Variants in BEND7 observed in about 807,000 individuals in gnomAD.
The protein encoded by BEND7 is BEN domain containing 7.
A neutral mutation model predicts 50.9 loss-of-function variants in BEND7; 28 were observed. The ratio of observed to expected loss-of-function variants is 0.55; its 90% CI spans 0.41 to 0.75. The LOEUF (loss-of-function observed/expected upper bound fraction) is 0.75. Ranked by LOEUF, BEND7 falls within the 30% of genes least tolerant of loss-of-function variation. BEND7 has a pLI of 0.00. For synonymous variants in BEND7, 170 were observed against 183.9 expected, an observed-to-expected ratio of 0.92 and a Z score of 0.61; for missense variants, 477 against 491.3, an observed-to-expected ratio of 0.97 and a Z score of 0.28.
chr10:13,462,334 G>C (rs1359186432), intron 6 of BEND7, among the ~76,000 whole-genome samples: 3 of 152,190 alleles, frequency 2.0e-5, no homozygotes, highest in Non-Finnish European at 4.4e-5. Flanking sequence ...TTTACATGGT[G>C]GCAAGCAAGA....
chr10:13,496,721 T>C (rs767609116), intron 4 of BEND7, 45 bp downstream of exon 4: 16 of 1,589,248 alleles, frequency 1.0e-5, no homozygotes, highest in Middle Eastern at 1.7e-4. Context: ...ATGTCAGATA[T>C]GCATTAAAAA....
chr10:13,469,156 AG>A (rs1459380064), intron 6 of BEND7, among the ~76,000 whole-genome samples: 3 of 152,176 alleles, frequency 2.0e-5, no homozygotes, highest in African/African-American at 7.2e-5. Flanking sequence ...CTGTCATCCA[AG>A]GGGTAGGGCT....
chr10:13,479,245 G>C (rs940222023), intron 6 of BEND7, among the ~76,000 whole-genome samples: 2 of 152,072 alleles, frequency 1.3e-5, no homozygotes, highest in Non-Finnish European at 2.9e-5. Flanking sequence ...CTGACCTGCA[G>C]TGTTCCACCC....
rs2079569882 is a variant in BEND7 at position 13,528,599 on chromosome 10, AGCGGCAGCGG to A, written c.-76_-67del. On this transcript the variant is annotated 5_prime_UTR_variant, in exon 1 of 9. Coordinates refer to ENST00000466271, the MANE Select transcript of BEND7 (RefSeq NM_001369863.1). ...CAGCGGCGGCAGCGGCAGCGGCGGCAGCGGCAGCGGCGGCGCGGGCTCGTGTCACCGCGGC... is the reference window on the plus strand; with the variant it reads ...CAGCGGCGGCAGCGGCAGCGGCGGCACGGCGCGGGCTCGTGTCACCGCGGC... 5.7e-6 allele frequency: 4 copies of A among 706,910 alleles called. No individual in the cohort carries two copies. The African/African-American group carries it at 1.7e-4, about 31-fold the overall frequency. 43.8% of individuals were successfully genotyped at this position (706,910 alleles called of 1,614,324 possible).
intron 2 of BEND7, among the ~76,000 whole-genome samples, chr10:13,507,789 G>A (rs1469960966): frequency 6.6e-6 from 1 of 152,198 alleles, no homozygotes; most frequent in Non-Finnish European, 1.5e-5. Flanking sequence ...TTGTGGTGAT[G>A]AAAAAGCTCT....
intron 2 of BEND7, chr10:13,503,073 C>T (rs1425399975): frequency 4.2e-6 from 1 of 239,798 alleles, no homozygotes; most frequent in East Asian, 1.8e-4. Flanking sequence ...TTTCAGAGTT[C>T]CAGAACTTAT....
intron 8 of BEND7, chr10:13,445,705 C>T (rs373435928): frequency 1.6e-4 from 24 of 152,296 alleles, no homozygotes; most frequent in East Asian, 7.7e-4. Context: ...TCACTGGAAA[C>T]GTATCTCCAA....
chr10:13,523,690 TTA>T (rs1407452961), intron 2 of BEND7, among the ~76,000 whole-genome samples: 3 of 152,340 alleles, frequency 2.0e-5, no homozygotes, highest in African/African-American at 7.2e-5. Flanking sequence ...ATTGAAATCT[TTA>T]TGTTTTGAAA....
chr10:13,482,747 T>G (rs2131771507), intron 5 of BEND7, among the ~76,000 whole-genome samples: 1 of 152,302 alleles, frequency 6.6e-6, no homozygotes, highest in South Asian at 2.1e-4. Flanking sequence ...TACTGTCAGG[T>G]TTTCCCCTTA....
At chr10:13,470,005 C>T (rs538472404) in intron 6 of BEND7, among the ~76,000 whole-genome samples, 5 of 152,176 alleles carry the variant, frequency 3.3e-5, no homozygotes, top group African/African-American at 1.2e-4. Flanking sequence ...AATTGTAGAT[C>T]CAGAAGAAAA....
intron 2 of BEND7, among the ~76,000 whole-genome samples, chr10:13,504,362 C>T (rs922670788): frequency 5.9e-5 from 9 of 152,174 alleles, no homozygotes; most frequent in Admixed American, 3.3e-4. Context: ...TGAACCCTAA[C>T]CCGGGGAGGG....
chr10:13,498,025 A>T (rs893897257), intron 3 of BEND7, among the ~76,000 whole-genome samples: 1 of 151,826 alleles, frequency 6.6e-6, no homozygotes, highest in Admixed American at 6.6e-5. Context: ...AATAATCCCA[A>T]TGAAATACCA....
intron 5 of BEND7, among the ~76,000 whole-genome samples, chr10:13,487,419 C>T (rs1229925567): frequency 7.2e-6 from 1 of 138,562 alleles, no homozygotes; most frequent in African/African-American, 2.8e-5. Flanking sequence ...CGGAGTCTTG[C>T]TCTGTTGCCC....
At chr10:13,502,063 G>GTATATA (rs35889301) in intron 2 of BEND7, among the ~76,000 whole-genome samples, 1 of 150,862 alleles carries the variant, frequency 6.6e-6, no homozygotes, top group East Asian at 1.9e-4. Flanking sequence ...ATAAGGATAT[G>GTATATA]TATATATATA....
chr10:13,469,634 G>A (rs1002034496), intron 6 of BEND7, among the ~76,000 whole-genome samples: 4 of 151,938 alleles, frequency 2.6e-5, no homozygotes, highest in African/African-American at 4.8e-5. Flanking sequence ...ATGCCACCAC[G>A]CCCAGCTAAT....
intron 2 of BEND7, among the ~76,000 whole-genome samples, chr10:13,515,226 A>C (rs1166341908): frequency 2.0e-5 from 3 of 152,208 alleles, no homozygotes; most frequent in East Asian, 3.8e-4. Flanking sequence ...TGTTTTGGAC[A>C]CCTCAGCCAA....
At chr10:13,478,483 T>C (rs2075621745) in intron 6 of BEND7, among the ~76,000 whole-genome samples, 1 of 152,178 alleles carries the variant, frequency 6.6e-6, no homozygotes, top group Non-Finnish European at 1.5e-5. Flanking sequence ...CAAGAAATTA[T>C]CAGAATAAGT....
chr10:13,490,875 C>T (rs1451783363), intron 5 of BEND7, among the ~76,000 whole-genome samples: 1 of 152,048 alleles, frequency 6.6e-6, no homozygotes, highest in African/African-American at 2.4e-5. Context: ...GTAATCTCGG[C>T]TCACTGCAAC....
At chr10:13,471,287 G>A (rs1371465923) in intron 6 of BEND7, among the ~76,000 whole-genome samples, 1 of 152,216 alleles carries the variant, frequency 6.6e-6, no homozygotes, top group Non-Finnish European at 1.5e-5. Context: ...GCCTGCTGAT[G>A]ATTTCTAGGT....
Sources: gnomAD v4.1 joint callset for allele counts (sites outside exome capture counted in the v4.1 genomes callset) on GRCh38, gnomAD v4.1.1 for gene constraint, MANE v1.5 for transcripts, NCBI Gene and HGNC (gene_info 2026-07-23, HGNC 2026-07-21) for gene names.